The following FEZ1 variants were observed in gnomAD, a reference collection of about 807,000 sequenced individuals.
FEZ1 encodes fasciculation and elongation protein zeta-1.
FEZ1 carries 20 observed loss-of-function variants against 49.3 expected under a neutral mutation model. The observed-to-expected ratio is 0.41, with a 90% CI of 0.29 to 0.59. FEZ1 has a LOEUF of 0.59. Ranked by LOEUF, FEZ1 falls within the 20% of genes least tolerant of loss-of-function variation. FEZ1 has a pLI of 0.36. For synonymous variants in FEZ1, 170 were observed against 180.9 expected (o/e 0.94, Z 0.48); for missense variants, 413 against 476.0 (o/e 0.87, Z 1.23).
chr11:125,454,056 TC>T, intron 7 of FEZ1, 73 bp downstream of exon 7: 2 of 921,538 alleles, frequency 2.2e-6, no homozygotes, highest in Admixed American at 2.3e-5. Flanking sequence ...TGAGTCACTG[TC>T]CCCCTGCGTT....
intron 7 of FEZ1, 152 bp from the exon 8 acceptor site, chr11:125,452,561 C>G: frequency 1.7e-6 from 1 of 589,928 alleles, no homozygotes; most frequent in Admixed American, 3.0e-5. Context: ...AACTTCTTAC[C>G]CCTCTTTAGG....
Position 125,489,673 on chromosome 11 carries a change from G to A in FEZ1, c.105C>T (p.Pro35=), listed in dbSNP as rs1268898227. The stretch of plus-strand genomic sequence containing the variant: ...AGAGGGAGGGGTCCTCGAGATGGTG[G>A]GGAGATGAACCATAGAAACACTGGG... The part of the protein sequence containing the change: ...EKPQCFYGSS[P]HHLEDPSLSE... The change falls in exon 2 of 10, where the codon CCC becomes CCT. Residue 35 remains proline, a synonymous_variant. Coordinates refer to ENST00000278919, the MANE Select transcript of FEZ1 (RefSeq NM_005103.5). This position sits in a 1 kb window ranked among gnomAD's most constrained non-coding sequence, Gnocchi z 4.2. 1 of 1,614,014 alleles carries A rather than the reference G, an allele frequency of 6.2e-7. No individual in the cohort carries two copies. The highest frequency in any genetic ancestry group is 1.1e-5 in the South Asian group (1 of 91,058).
chr11:125,462,930 G>A (rs1298740538), intron 4 of FEZ1, among the ~76,000 whole-genome samples: 5 of 151,604 alleles, frequency 3.3e-5, no homozygotes. Flanking sequence ...AGCCAAGGAG[G>A]TTGAGGCTAT....
chr11:125,446,189 G>T, intron 9 of FEZ1, 78 bp from the exon 10 acceptor site: 1 of 1,384,354 alleles, frequency 7.2e-7, no homozygotes, highest in Non-Finnish European at 1.0e-6. Context: ...GATAGCCCTA[G>T]CTGAGAGCAG....
At chr11:125,463,059 G>A (rs1010040377) in intron 4 of FEZ1, among the ~76,000 whole-genome samples, 2 of 151,898 alleles carry the variant, frequency 1.3e-5, no homozygotes, top group African/African-American at 2.4e-5. Context: ...CAGCACTTTG[G>A]GAGGTTGAGG....
chr11:125,493,795 T>TAA (rs1565307586), intron 1 of FEZ1, among the ~76,000 whole-genome samples: 4 of 152,248 alleles, frequency 2.6e-5, no homozygotes, highest in African/African-American at 7.2e-5. Flanking sequence ...TTTAAATTTG[T>TAA]ACTTTTCTCT....
intron 4 of FEZ1, 136 bp downstream of exon 4, chr11:125,463,348 T>A (rs1957093459): frequency 3.2e-6 from 2 of 615,898 alleles, no homozygotes; most frequent in East Asian, 5.5e-5. Context: ...CAAAAAATAC[T>A]CTGAGTCATG....
Position 125,495,656 on chromosome 11 carries a change from G to T in FEZ1, c.-46+465C>A. Reference sequence around the variant, plus strand: ...CAAAGATGATCTTGGGGCGTTTACGGTGACTGGACCAGATAACGGTCCCGG... The same window carrying T: ...CAAAGATGATCTTGGGGCGTTTACGTTGACTGGACCAGATAACGGTCCCGG... On this transcript the variant is annotated intron_variant, in intron 1 of 9. Transcript: ENST00000278919. This position sits in a 1 kb window ranked among gnomAD's most constrained non-coding sequence, Gnocchi z 4.2. The T allele has an allele frequency of 2.4e-6, 1 of 420,306 alleles. No homozygotes were observed. The allele number at this position is 420,306 out of a possible 1,614,324, so 26.0% of individuals were successfully genotyped here.
At chr11:125,473,589 C>T (rs1383624406) in intron 3 of FEZ1, among the ~76,000 whole-genome samples, 2 of 152,078 alleles carry the variant, frequency 1.3e-5, no homozygotes, top group Non-Finnish European at 1.5e-5. Flanking sequence ...GAGGCCAAGA[C>T]GGGTGGATCA....
intron 1 of FEZ1, among the ~76,000 whole-genome samples, chr11:125,492,428 C>T (rs1447738805): frequency 6.6e-6 from 1 of 152,208 alleles, no homozygotes; most frequent in African/African-American, 2.4e-5. Context: ...AGCCCACAGG[C>T]TTCTCCATAC....
chr11:125,458,556 G>A (rs533105690), intron 5 of FEZ1, among the ~76,000 whole-genome samples: 43 of 152,138 alleles, frequency 2.8e-4, no homozygotes, highest in South Asian at 8.3e-4. Flanking sequence ...GATTCTCCCC[G>A]TTGAAAATAA....
At position 125,489,027 on chromosome 11, in the gene FEZ1, G is replaced by T; in HGVS notation, c.311+440C>A. Reference sequence around the variant, plus strand: ...CTAACATCTGTAGATAACTCTCCAGGCCTGAGGGGCTGTCAAAAATTCGGG... The same window carrying T: ...CTAACATCTGTAGATAACTCTCCAGTCCTGAGGGGCTGTCAAAAATTCGGG... On this transcript the variant is annotated intron_variant, in intron 2 of 9. Transcript: ENST00000278919. The surrounding 1 kb of genome is among the most constrained non-coding windows in gnomAD (Gnocchi z 4.2). 1 of 986,462 alleles carries T rather than the reference G, an allele frequency of 1.0e-6. No individual in the cohort carries two copies. The highest frequency in any genetic ancestry group is 1.2e-6 in the Non-Finnish European group (1 of 830,756). The allele number at this position is 986,462 out of a possible 1,614,324, so 61.1% of individuals were successfully genotyped here.
At chr11:125,477,772 C>G (rs1350773487) in intron 3 of FEZ1, among the ~76,000 whole-genome samples, 1 of 152,068 alleles carries the variant, frequency 6.6e-6, no homozygotes, top group Non-Finnish European at 1.5e-5. Flanking sequence ...GCCTGGCTCT[C>G]CCCTGGCTCC....
chr11:125,445,934 A>C lies in FEZ1; in HGVS notation c.*161T>G. 1.3e-6 allele frequency: 1 copy of C among 745,326 alleles called. No individual in the cohort carries two copies. The allele number at this position is 745,326 out of a possible 1,614,324, so 46.2% of individuals were successfully genotyped here. A position where few individuals can be genotyped will look rare whatever the true frequency, so the allele number is the denominator to read the frequency against. ...GCATCCAATGATTACTAGCACTAGA[A>C]GCCAACGGCAAAGGACCCCGCGCGC... On this transcript the variant is annotated 3_prime_UTR_variant, in exon 10 of 10. Transcript: ENST00000278919. The surrounding 1 kb of genome is among the most constrained non-coding windows in gnomAD (Gnocchi z 4.4).
chr11:125,478,016 G>T (rs1477451509), intron 3 of FEZ1, among the ~76,000 whole-genome samples: 1 of 152,222 alleles, frequency 6.6e-6, no homozygotes, highest in Non-Finnish European at 1.5e-5. Flanking sequence ...CTATGTAGAC[G>T]TGTTACTTTG....
intron 3 of FEZ1, among the ~76,000 whole-genome samples, 194 bp downstream of exon 3, chr11:125,481,340 G>A (rs1484526666): frequency 6.6e-6 from 1 of 152,030 alleles, no homozygotes; most frequent in African/African-American, 2.4e-5. Context: ...GTAGAAATGG[G>A]GGTTTCACCA....
At position 125,446,090 on chromosome 11, in the gene FEZ1, C is replaced by G; in HGVS notation, c.*5G>C. 6.2e-7 allele frequency: 1 copy of G among 1,613,952 alleles called. No individual in the cohort carries two copies. The highest frequency in any genetic ancestry group is 8.5e-7 in the Non-Finnish European group (1 of 1,179,892). On this transcript the variant is annotated 3_prime_UTR_variant, in exon 10 of 10. Coordinates refer to ENST00000278919, the MANE Select transcript of FEZ1 (RefSeq NM_005103.5). ...CCTGCAGCGAGGCTGCTCCAAAGGG[C>G]AAGGTTAGGTAGGGCAGAGCACTGC...
intron 3 of FEZ1, among the ~76,000 whole-genome samples, chr11:125,476,356 T>G (rs1957233884): frequency 6.6e-6 from 1 of 152,226 alleles, no homozygotes; most frequent in Non-Finnish European, 1.5e-5. Context: ...ATCTCAAGAA[T>G]GCATGGTTGA....
chr11:125,493,425 G>GAAAGAAAGAAAGAAGGAAAGAAA (rs1565306988), intron 1 of FEZ1, among the ~76,000 whole-genome samples: 1 of 35,112 alleles, frequency 2.8e-5, no homozygotes, highest in Non-Finnish European at 5.0e-5. Context: ...AAAGAAAGAA[G>GAAAGAAAGAAAGAAGGAAAGAAA]GAAAGAAGGA....
Sources: gnomAD v4.1 joint callset for allele counts (sites outside exome capture counted in the v4.1 genomes callset) on GRCh38, gnomAD v4.1.1 for gene constraint, Gnocchi (gnomAD v3.1) non-coding constraint, MANE v1.5 for transcripts, NCBI Gene and HGNC (gene_info 2026-07-23, HGNC 2026-07-21) for gene names.